CA10: variants seen among roughly 807,000 people sequenced by gnomAD.
CA10 encodes carbonic anhydrase-related protein 10.
In CA10, 14 loss-of-function variants were observed where a neutral mutation model predicts 44.2. The observed-to-expected ratio is 0.32, with a 90% CI of 0.21 to 0.50. The LOEUF is 0.50. Among genes scored for constraint, CA10 ranks in the 20% least tolerant of loss-of-function variants. CA10 has a pLI of 0.99. For missense variants in CA10, 350 were observed against 409.7 expected, an observed-to-expected ratio of 0.85 and a Z score of 1.26; for synonymous variants, 159 against 141.6, an observed-to-expected ratio of 1.12 and a Z score of -0.87.
At chr17:51,928,583 T>A (rs1982523028) in intron 3 of CA10, among the ~76,000 whole-genome samples, 1 of 152,130 alleles carries the variant, frequency 6.6e-6, no homozygotes, top group African/African-American at 2.4e-5. Flanking sequence ...TGCTTGTGGA[T>A]AAAAATGCGA....
intron 3 of CA10, among the ~76,000 whole-genome samples, chr17:51,897,742 A>G (rs545094423): frequency 1.2e-4 from 19 of 152,090 alleles, no homozygotes; most frequent in Non-Finnish European, 2.4e-4. Context: ...GATTTCCTTG[A>G]GAAGTGTTTT....
chr17:51,692,705 C>T (rs1209914624), intron 4 of CA10, among the ~76,000 whole-genome samples: 1 of 152,132 alleles, frequency 6.6e-6, no homozygotes. Flanking sequence ...TATTGAAGGG[C>T]ATGTTGGTGT....
chr17:51,881,765 A>T (rs1980387024), intron 3 of CA10, among the ~76,000 whole-genome samples: 1 of 152,178 alleles, frequency 6.6e-6, no homozygotes, highest in Admixed American at 6.5e-5. Context: ...GGTAATATCC[A>T]GGTTTGGCAA....
intron 4 of CA10, among the ~76,000 whole-genome samples, chr17:51,663,811 C>A (rs147356509): frequency 5.3e-5 from 8 of 152,288 alleles, no homozygotes; most frequent in African/African-American, 7.2e-5. Context: ...ACAACAAAGT[C>A]AGGCCATTCA....
chr17:51,999,923 T>A (rs1364326465), intron 2 of CA10, among the ~76,000 whole-genome samples: 1 of 152,072 alleles, frequency 6.6e-6, no homozygotes, highest in African/African-American at 2.4e-5. Flanking sequence ...CTATCAGGTC[T>A]GCTTCTCGGA....
intron 3 of CA10, among the ~76,000 whole-genome samples, chr17:51,776,651 T>A (rs1267965338): frequency 6.6e-6 from 1 of 152,364 alleles, no homozygotes; most frequent in African/African-American, 2.4e-5. Flanking sequence ...AAAAAAATAT[T>A]CATACACTTA....
At chr17:51,667,293 ATGGACAG>A (rs1914244380) in intron 4 of CA10, among the ~76,000 whole-genome samples, 1 of 152,186 alleles carries the variant, frequency 6.6e-6, no homozygotes, top group African/African-American at 2.4e-5. Context: ...CTAGAGGTCA[ATGGACAG>A]TGGGGTCTGA....
At chr17:51,997,417 G>T (rs763202239) in intron 2 of CA10, among the ~76,000 whole-genome samples, 4 of 152,030 alleles carry the variant, frequency 2.6e-5, no homozygotes, top group Non-Finnish European at 5.9e-5. Flanking sequence ...ACATAAAAGT[G>T]TAAAAAAGTA....
intron 2 of CA10, among the ~76,000 whole-genome samples, chr17:52,070,834 C>A (rs1223994823): frequency 6.6e-6 from 1 of 152,152 alleles, no homozygotes; most frequent in African/African-American, 2.4e-5. Flanking sequence ...TTTGCAGTGA[C>A]CACCCAGTTC....
At chr17:51,737,207 T>C (rs1916941322) in intron 4 of CA10, among the ~76,000 whole-genome samples, 1 of 152,140 alleles carries the variant, frequency 6.6e-6, no homozygotes, top group Non-Finnish European at 1.5e-5. Context: ...TTCTTTAACC[T>C]CTCGAGGTTT....
rs1988121843 is a variant in CA10 at position 52,086,525 on chromosome 17, C to T, written c.62-14132G>A. Among the ~76,000 whole-genome samples the T allele has an allele frequency of 1.3e-5, 2 of 152,156 alleles. 1 individual carries two copies. The highest frequency in any genetic ancestry group is 4.1e-4 in the South Asian group (2 of 4,832). ...CACATTTCATTGACTAGAACTTGGC[C>T]TCTTTAATACAACTAAATGTAAAAG... On this transcript the variant is annotated intron_variant, in intron 1 of 8. Transcript: ENST00000451037.
intron 2 of CA10, among the ~76,000 whole-genome samples, chr17:51,985,339 C>A (rs114156716): frequency 2.2e-3 from 328 of 151,886 alleles, no homozygotes; most frequent in African/African-American, 7.5e-3. Context: ...AAACTCTCAA[C>A]AAAATTGGCA....
At chr17:52,055,541 T>C (rs766143192) in intron 2 of CA10, among the ~76,000 whole-genome samples, 3 of 152,090 alleles carry the variant, frequency 2.0e-5, no homozygotes, top group Non-Finnish European at 2.9e-5. Flanking sequence ...GCTCCAAGAA[T>C]GTATTCAAGA....
intron 3 of CA10, among the ~76,000 whole-genome samples, chr17:51,919,800 C>T (rs572633398): frequency 2.3e-4 from 35 of 152,200 alleles, no homozygotes; most frequent in African/African-American, 7.9e-4. Context: ...TACAGGTGCG[C>T]ACCACCACAC....
At chr17:51,726,791 G>A (rs1187621587) in intron 4 of CA10, among the ~76,000 whole-genome samples, 1 of 152,120 alleles carries the variant, frequency 6.6e-6, no homozygotes, top group Non-Finnish European at 1.5e-5. Context: ...TATTTAACAT[G>A]TATCTAGAAT....
intron 3 of CA10, among the ~76,000 whole-genome samples, chr17:51,881,422 T>C (rs1980370950): frequency 1.3e-5 from 2 of 152,210 alleles, no homozygotes; most frequent in South Asian, 2.1e-4. Flanking sequence ...CAAAGATTCA[T>C]GTATTTTGTA....
intron 2 of CA10, among the ~76,000 whole-genome samples, chr17:51,970,467 C>A (rs945594751): frequency 6.6e-6 from 1 of 151,876 alleles, no homozygotes; most frequent in Non-Finnish European, 1.5e-5. Context: ...ACTACTGCAG[C>A]GTATTTTAAA....
In CA10 at chr17:52,060,356, T is replaced by C. The variant is rs189666121; in HGVS notation, c.136+11963A>G. Among the ~76,000 whole-genome samples, 154 of 152,168 alleles carry C rather than the reference T, an allele frequency of 1.0e-3. 1 individual carries two copies. Among genetic ancestry groups the C allele is most frequent in the Admixed American group, 2.6e-3 (39 of 15,266 alleles). On this transcript the variant is annotated intron_variant, in intron 2 of 8. Transcript: ENST00000451037. ...CTAAATGTAATATGGTATCCTAAAT[T>C]GGATTATGCAACAGAAACAGGACCT...
intron 3 of CA10, among the ~76,000 whole-genome samples, chr17:51,752,605 AG>A (rs1904926850): frequency 6.6e-6 from 1 of 152,024 alleles, no homozygotes; most frequent in Non-Finnish European, 1.5e-5. Flanking sequence ...AGCAAATGCA[AG>A]TGTCCTTGCT....
Sources: allele counts gnomAD v4.1 joint callset (sites outside exome capture counted in the v4.1 genomes callset), GRCh38; gene constraint gnomAD v4.1.1; transcripts MANE v1.5; gene names NCBI Gene and HGNC (gene_info 2026-07-23, HGNC 2026-07-21).